The following OR51E1 variants were observed in gnomAD, a reference collection of about 807,000 sequenced individuals.
OR51E1 encodes the protein olfactory receptor 51E1.
In OR51E1, 9 loss-of-function variants were observed where a neutral mutation model predicts 11.5. That is an observed-to-expected ratio of 0.78 (90% CI 0.47 to 1.37). The LOEUF (loss-of-function observed/expected upper bound fraction) is 1.37. OR51E1 is among the 40% of genes most tolerant of loss of function. OR51E1 has a pLI of 0.00. For synonymous variants in OR51E1, 168 were observed against 158.3 expected (o/e 1.06, Z -0.46); for missense variants, 397 against 410.2 (o/e 0.97, Z 0.28).
At chr11:4,645,156 A>T (rs1008120996) in intron 1 of OR51E1, among the ~76,000 whole-genome samples, 4 of 151,944 alleles carry the variant, frequency 2.6e-5, no homozygotes, top group Non-Finnish European at 5.9e-5. Flanking sequence ...CTGAAATTTT[A>T]TTTGTTTACT....
intron 1 of OR51E1, among the ~76,000 whole-genome samples, chr11:4,646,496 TCTAA>T (rs1307211892): frequency 6.6e-6 from 1 of 152,214 alleles, no homozygotes; most frequent in Non-Finnish European, 1.5e-5. Context: ...CACTAAGGGC[TCTAA>T]CTAACCCTCA....
At chr11:4,651,188 A>T (rs746598332) in intron 1 of OR51E1, among the ~76,000 whole-genome samples, 9 of 152,144 alleles carry the variant, frequency 5.9e-5, no homozygotes, top group Non-Finnish European at 1.2e-4. Context: ...CTGCTATAGG[A>T]TTGATTATGC....
Position 4,653,273 on chromosome 11 carries a change from T to C in OR51E1, c.747T>C (p.Ala249=). 1 of 1,614,196 alleles carries C rather than the reference T, an allele frequency of 6.2e-7. No homozygotes were observed. Among genetic ancestry groups the C allele is most frequent in the Non-Finnish European group, 8.5e-7 (1 of 1,180,012 alleles). ...AFGTCVSHVC[A]VFIFYVPFIG... ...GCACTTGCGTCTCTCATGTGTGTGCTGTGTTCATATTCTATGTACCTTTCA... is the reference window on the plus strand; with the variant it reads ...GCACTTGCGTCTCTCATGTGTGTGCCGTGTTCATATTCTATGTACCTTTCA... The change falls in exon 2 of 2, where the codon GCT becomes GCC. Residue 249 remains alanine, a synonymous_variant. Coordinates refer to ENST00000396952, the MANE Select transcript of OR51E1 (RefSeq NM_152430.4).
rs1038519575 is a variant in OR51E1, at chr11:4,654,071, A to G, written c.*588A>G. 7.8e-5 allele frequency: 13 copies of G among 166,716 alleles called. No individual in the cohort carries two copies. The highest frequency in any genetic ancestry group is 2.9e-4 in the African/African-American group (12 of 41,470). 10.3% of individuals were successfully genotyped at this position (166,716 alleles called of 1,614,324 possible). On this transcript the variant is annotated 3_prime_UTR_variant, in exon 2 of 2. Transcript: ENST00000396952. ...TTGACACACTGTTCTGAGAGTTTTC[A>G]CAGCATATGGACCCTGTTTTTCCTA... is the stretch of plus-strand genomic sequence containing the variant.
chr11:4,650,541 A>G (rs948040137), intron 1 of OR51E1, among the ~76,000 whole-genome samples: 1 of 152,082 alleles, frequency 6.6e-6, no homozygotes, highest in African/African-American at 2.4e-5. Flanking sequence ...TCATGCTCCC[A>G]TTGTTTTCCC....
chr11:4,645,370 C>T (rs558259977), intron 1 of OR51E1, among the ~76,000 whole-genome samples: 68 of 152,350 alleles, frequency 4.5e-4, no homozygotes, highest in African/African-American at 1.6e-3. Flanking sequence ...GCTTAAATGT[C>T]ACCTCCTCAG....
intron 1 of OR51E1, among the ~76,000 whole-genome samples, chr11:4,647,589 G>C (rs1456609745): frequency 6.6e-6 from 1 of 152,126 alleles, no homozygotes; most frequent in African/African-American, 2.4e-5. Context: ...GGCTGGTGAG[G>C]GGGGCTGGGC....
chr11:4,651,293 C>A (rs892311846), intron 1 of OR51E1, among the ~76,000 whole-genome samples: 1 of 152,096 alleles, frequency 6.6e-6, no homozygotes, highest in Non-Finnish European at 1.5e-5. Flanking sequence ...AGAAGCAGAA[C>A]CTGAGGTGGG....
chr11:4,649,215 T>G (rs189143681), intron 1 of OR51E1, among the ~76,000 whole-genome samples: 25 of 152,210 alleles, frequency 1.6e-4, no homozygotes, highest in Non-Finnish European at 3.4e-4. Context: ...GGTAAATACT[T>G]TAAAAAGACC....
At chr11:4,650,961 C>T (rs556096664) in intron 1 of OR51E1, among the ~76,000 whole-genome samples, 3 of 151,104 alleles carry the variant, frequency 2.0e-5, no homozygotes, top group Admixed American at 6.6e-5. Flanking sequence ...AATCCCAAAT[C>T]GGAAACACTT....
chr11:4,655,455 AAAAT>A lies in OR51E1; in HGVS notation c.*1976_*1979del, dbSNP rs1455489099. 6.0e-6 allele frequency: 1 copy of A among 165,438 alleles called. No individual in the cohort carries two copies. The highest frequency in any genetic ancestry group is 1.5e-5 in the Non-Finnish European group (1 of 68,118). The allele number at this position is 165,438 out of a possible 1,614,324, so 10.2% of individuals were successfully genotyped here. A position where few individuals can be genotyped will look rare whatever the true frequency, so the allele number is the denominator to read the frequency against. ...TTGTACGAGGCAGTTGGATAAGTGAAAAATAAAGTACTATTGTGTCAAGTCTCTG... is the reference window on the plus strand; with the variant it reads ...TTGTACGAGGCAGTTGGATAAGTGAAAAAGTACTATTGTGTCAAGTCTCTG... On this transcript the variant is annotated 3_prime_UTR_variant, in exon 2 of 2. Transcript: ENST00000396952.
chr11:4,647,628 C>A (rs750053361), intron 1 of OR51E1, among the ~76,000 whole-genome samples: 1 of 151,752 alleles, frequency 6.6e-6, no homozygotes, highest in Non-Finnish European at 1.5e-5. Context: ...TTCTGAAGCC[C>A]GGGGGAAGGA....
Position 4,654,584 on chromosome 11 carries a change from C to T in OR51E1, c.*1101C>T, listed in dbSNP as rs1847145224. On this transcript the variant is annotated 3_prime_UTR_variant, in exon 2 of 2. Transcript: ENST00000396952. ...GATAGGCAGTGAGGTTAGGGAGCCA[C>T]CAGTTATGATGGGAAGTATGGAATG... The T allele has an allele frequency of 6.0e-6, 1 of 167,076 alleles. No homozygotes were observed. The highest frequency in any genetic ancestry group is 2.1e-4 in the South Asian group (1 of 4,832). The allele number at this position is 167,076 out of a possible 1,614,324, so 10.3% of individuals were successfully genotyped here.
Position 4,654,582 on chromosome 11 carries a change from CA to C in OR51E1, c.*1100del. The C allele has an allele frequency of 6.0e-6, 1 of 167,204 alleles. No individual in the cohort carries two copies. The allele number at this position is 167,204 out of a possible 1,614,324, so 10.4% of individuals were successfully genotyped here. ...CTGATAGGCAGTGAGGTTAGGGAGC[CA>C]CCAGTTATGATGGGAAGTATGGAAT... On this transcript the variant is annotated 3_prime_UTR_variant, in exon 2 of 2. Transcript: ENST00000396952.
chr11:4,651,583 C>T (rs1275403030), intron 1 of OR51E1, among the ~76,000 whole-genome samples: 1 of 152,166 alleles, frequency 6.6e-6, no homozygotes, highest in African/African-American at 2.4e-5. Flanking sequence ...GGGTGAGGTG[C>T]CTCCCATTTG....
rs1003702912 is a variant in OR51E1, at chr11:4,654,818, G to A, written c.*1335G>A. On this transcript the variant is annotated 3_prime_UTR_variant, in exon 2 of 2. Transcript: ENST00000396952. ...GGTTAATAGGTTTCATCTTCAACAGGATATGACAACAGTGTTAACCAAGAA... is the reference window on the plus strand; with the variant it reads ...GGTTAATAGGTTTCATCTTCAACAGAATATGACAACAGTGTTAACCAAGAA... 6.0e-6 allele frequency: 1 copy of A among 167,080 alleles called. No individual in the cohort carries two copies. Among genetic ancestry groups the A allele is most frequent in the Admixed American group, 6.5e-5 (1 of 15,282 alleles). 10.3% of individuals were successfully genotyped at this position (167,080 alleles called of 1,614,324 possible). A position where few individuals can be genotyped will look rare whatever the true frequency, so the allele number is the denominator to read the frequency against.
Position 4,653,029 on chromosome 11 carries a change from A to AGCTG in OR51E1, c.504_507dup (p.Pro170AlafsTer25). 1 of 1,610,732 alleles carries AGCTG rather than the reference A, an allele frequency of 6.2e-7. No homozygotes were observed. The highest frequency in any genetic ancestry group is 8.5e-7 in the Non-Finnish European group (1 of 1,177,878). ...GCACCCCTTCCTGTCTTCATCAAGC[A>AGCTG]GCTGCCCTTCTGCCGCTCCAATATC... On this transcript the variant is annotated frameshift_variant, in exon 2 of 2. Transcript: ENST00000396952. LOFTEE classifies it high-confidence loss of function.
At position 4,652,814 on chromosome 11, in the gene OR51E1, G is replaced by C; in HGVS notation, c.288G>C (p.Gln96His). ...TCTGGTTCAATTCCACTACCATCCAGTTTGATGCTTGTCTGCTACAGATGT... is the reference window on the plus strand; with the variant it reads ...TCTGGTTCAATTCCACTACCATCCACTTTGATGCTTGTCTGCTACAGATGT... ...AIFWFNSTTIQFDACLLQMFA... is the reference protein window; with the variant it reads ...AIFWFNSTTIHFDACLLQMFA... The change falls in exon 2 of 2, where the codon CAG (glutamine) becomes CAC (histidine). Residue 96 changes from glutamine to histidine, a missense_variant. Transcript: ENST00000396952. 3 of 1,614,158 alleles carry C rather than the reference G, an allele frequency of 1.9e-6. No homozygotes were observed. Among genetic ancestry groups the C allele is most frequent in the East Asian group, 2.2e-5 (1 of 44,882 alleles).
rs1847151055 is a variant in OR51E1 at position 4,654,917 on chromosome 11, C to T, written c.*1434C>T. On this transcript the variant is annotated 3_prime_UTR_variant, in exon 2 of 2. Coordinates refer to ENST00000396952, the MANE Select transcript of OR51E1 (RefSeq NM_152430.4). Reference sequence around the variant, plus strand: ...CATTTTCTTTTTCAATCCTCAGGTTCCCTGATATGGATTCCTATAACATGC... The same window carrying T: ...CATTTTCTTTTTCAATCCTCAGGTTTCCTGATATGGATTCCTATAACATGC... The T allele has an allele frequency of 6.0e-6, 1 of 167,054 alleles. No individual in the cohort carries two copies. The highest frequency in any genetic ancestry group is 1.5e-5 in the Non-Finnish European group (1 of 68,124). The allele number at this position is 167,054 out of a possible 1,614,324, so 10.3% of individuals were successfully genotyped here.
Sources: gnomAD v4.1 joint callset for allele counts (sites outside exome capture counted in the v4.1 genomes callset) on GRCh38, gnomAD v4.1.1 for gene constraint, MANE v1.5 for transcripts, NCBI Gene and HGNC (gene_info 2026-07-23, HGNC 2026-07-21) for gene names.